Variants in CPAMD8 observed in about 807,000 individuals in gnomAD.
CPAMD8 encodes C3 and PZP like alpha-2-macroglobulin domain containing 8, also known as C3 and PZP-like alpha-2-macroglobulin domain-containing protein 8.
A neutral mutation model predicts 224.7 loss-of-function variants in CPAMD8; 146 were observed. The ratio of observed to expected loss-of-function variants is 0.65; its 90% CI spans 0.57 to 0.75. The LOEUF is 0.75. Among genes scored for constraint, CPAMD8 ranks in the 30% least tolerant of loss-of-function variants. The pLI is 0.00. For missense variants in CPAMD8, 2,301 were observed against 2,537.5 expected (o/e 0.91, Z 2.00); for synonymous variants, 966 against 1,044.6 (o/e 0.92, Z 1.45).
chr19:16,986,744 G>T (rs2055734585), intron 13 of CPAMD8, among the ~76,000 whole-genome samples: 1 of 152,100 alleles, frequency 6.6e-6, no homozygotes, highest in African/African-American at 2.4e-5. Flanking sequence ...TTCTGCCAAG[G>T]CTGGGGCTAT....
intron 13 of CPAMD8, among the ~76,000 whole-genome samples, chr19:16,983,087 C>T (rs1369664231): frequency 1.3e-5 from 2 of 152,154 alleles, no homozygotes; most frequent in African/African-American, 2.4e-5. Context: ...TCCCCAGCCA[C>T]GTGGAACTGT....
At chr19:16,913,985 G>A (rs895514877) in intron 29 of CPAMD8, among the ~76,000 whole-genome samples, 5 of 152,048 alleles carry the variant, frequency 3.3e-5, no homozygotes, top group African/African-American at 1.2e-4. Flanking sequence ...GGCCATCTAA[G>A]CCCCATCCAG....
chr19:17,008,414 C>T, intron 7 of CPAMD8, 91 bp downstream of exon 7: 1 of 1,472,792 alleles, frequency 6.8e-7, no homozygotes, highest in East Asian at 2.4e-5. Flanking sequence ...AGTGGGGGTA[C>T]ATTAGCGGTG....
Position 16,975,205 on chromosome 19 carries a change from C to T in CPAMD8, c.1962G>A (p.Arg654=). 6.2e-7 allele frequency: 1 copy of T among 1,610,710 alleles called. No individual in the cohort carries two copies. Among genetic ancestry groups the T allele is most frequent in the South Asian group, 1.1e-5 (1 of 90,352 alleles). Reference sequence around the variant, plus strand: ...CAGCCCACCAAAAAGGACCATCCTCCCTGGACACGCCAAAGGAATCAGAAA... The same window carrying T: ...CAGCCCACCAAAAAGGACCATCCTCTCTGGACACGCCAAAGGAATCAGAAA... ...YDVSDSFGVS[R]EDGPFWWAGL... The change falls in exon 17 of 42, where the codon AGG becomes AGA. Residue 654 remains arginine (R), a synonymous_variant. Coordinates refer to ENST00000443236, the MANE Select transcript of CPAMD8 (RefSeq NM_015692.5).
intron 23 of CPAMD8, among the ~76,000 whole-genome samples, chr19:16,935,870 C>T (rs1221870092): frequency 6.6e-6 from 1 of 152,036 alleles, no homozygotes; most frequent in Non-Finnish European, 1.5e-5. Flanking sequence ...TTTACATTTC[C>T]ACCAGCAAAG....
chr19:16,965,125 T>C (rs2054786011), intron 18 of CPAMD8, among the ~76,000 whole-genome samples: 1 of 151,818 alleles, frequency 6.6e-6, no homozygotes, highest in African/African-American at 2.4e-5. Context: ...CCGGGCATAG[T>C]GGCGGGCGCC....
intron 11 of CPAMD8, among the ~76,000 whole-genome samples, chr19:16,994,684 A>G (rs1263987768): frequency 2.1e-5 from 1 of 48,280 alleles, no homozygotes; most frequent in Non-Finnish European, 4.5e-5. Flanking sequence ...TGCCTGGCTA[A>G]TTTTAAAAAA....
chr19:16,997,062 T>A, intron 11 of CPAMD8, 49 bp downstream of exon 11: 1 of 1,199,060 alleles, frequency 8.3e-7, no homozygotes, highest in Non-Finnish European at 1.2e-6. Context: ...GTGGTGGTGG[T>A]TTCACGGTGG....
intron 25 of CPAMD8, among the ~76,000 whole-genome samples, chr19:16,925,696 C>T (rs929434731): frequency 1.3e-5 from 2 of 152,164 alleles, no homozygotes; most frequent in Admixed American, 6.5e-5. Context: ...ACTTTGGTTG[C>T]ATCCTACAAA....
At chr19:16,988,780 C>A (rs1403852484) in intron 13 of CPAMD8, among the ~76,000 whole-genome samples, 3 of 152,110 alleles carry the variant, frequency 2.0e-5, no homozygotes, top group Non-Finnish European at 4.4e-5. Flanking sequence ...AGTACTGATT[C>A]ATGGCCTGTT....
intron 21 of CPAMD8, among the ~76,000 whole-genome samples, 155 bp downstream of exon 21, chr19:16,946,919 C>T (rs901194420): frequency 2.6e-5 from 4 of 152,172 alleles, no homozygotes; most frequent in African/African-American, 7.2e-5. Context: ...CCCATTCCTT[C>T]TGTCCTGCTT....
Position 16,896,180 on chromosome 19 carries a change from C to T in CPAMD8, c.5422G>A (p.Asp1808Asn). The change falls in exon 41 of 42, where the codon GAC becomes AAC. Residue 1808 changes from aspartate (D) to asparagine (N), a missense_variant. Asp to Asn is a conservative substitution (Grantham distance 23). Transcript: ENST00000443236. ...TGGGGTGGGCCCAGCTGTTACCTGT[C>T]CTCCGCCTCCCCTTCAGGCTCAGGG... ...SDPEPEGEAE[D>N]RVTAGPRPPV... is the part of the protein sequence containing the mutation. 2.5e-6 allele frequency: 4 copies of T among 1,613,750 alleles called. No individual in the cohort carries two copies. Among genetic ancestry groups the T allele is most frequent in the Non-Finnish European group, 3.4e-6 (4 of 1,179,962 alleles).
At chr19:17,002,459 G>A (rs1000909048) in intron 8 of CPAMD8, 109 bp from the exon 9 acceptor site, 51 of 705,996 alleles carry the variant, frequency 7.2e-5, no homozygotes, top group East Asian at 4.3e-4. Context: ...GGCCACCACC[G>A]AGGTTGACAC....
At chr19:16,909,083 A>G (rs1250263505) in intron 29 of CPAMD8, among the ~76,000 whole-genome samples, 2 of 152,174 alleles carry the variant, frequency 1.3e-5, no homozygotes, top group African/African-American at 4.8e-5. Flanking sequence ...ATCTGATTCC[A>G]GCACAGGTGT....
intron 13 of CPAMD8, among the ~76,000 whole-genome samples, chr19:16,986,091 T>C (rs1009026279): frequency 1.3e-5 from 2 of 151,978 alleles, no homozygotes; most frequent in Admixed American, 1.3e-4. Context: ...CTTAAAAGAT[T>C]GGAGTGAGCG....
At chr19:16,950,688 G>A (rs1462900939) in intron 20 of CPAMD8, among the ~76,000 whole-genome samples, 1 of 151,220 alleles carries the variant, frequency 6.6e-6, no homozygotes, top group Non-Finnish European at 1.5e-5. Flanking sequence ...ATCTACTTGA[G>A]AGGCTGAGGA....
intron 13 of CPAMD8, among the ~76,000 whole-genome samples, chr19:16,987,819 G>GT (rs2055800489): frequency 1.3e-5 from 2 of 151,640 alleles, no homozygotes; most frequent in South Asian, 2.1e-4. Flanking sequence ...TCCGGCTGGG[G>GT]TTTTTTTGTT....
At chr19:16,979,069 T>A (rs1354489679) in intron 14 of CPAMD8, among the ~76,000 whole-genome samples, 1 of 149,294 alleles carries the variant, frequency 6.7e-6, no homozygotes, top group Admixed American at 6.7e-5. Context: ...CCATCTATTC[T>A]TCCATCCATC....
In CPAMD8 at chr19:16,945,793, ATG is replaced by A. The variant is rs900913138; in HGVS notation, c.2663-116_2663-115del. ...CATGCATGCATGTGTGTGTGTGTGC[ATG>A]TGTGTGTGTATATGCAGATGTGTGC... On this transcript the variant is annotated intron_variant, in intron 21 of 41. Coordinates refer to ENST00000443236, the MANE Select transcript of CPAMD8 (RefSeq NM_015692.5). The A allele has an allele frequency of 5.6e-4, 521 of 930,950 alleles. No homozygotes were observed. In the African/African-American group the frequency reaches 7.2e-3, roughly 13 times the overall value. The allele number at this position is 930,950 out of a possible 1,614,324, so 57.7% of individuals were successfully genotyped here.
Sources: gnomAD v4.1 joint callset for allele counts (sites outside exome capture counted in the v4.1 genomes callset) on GRCh38, gnomAD v4.1.1 for gene constraint, MANE v1.5 for transcripts, NCBI Gene and HGNC (gene_info 2026-07-23, HGNC 2026-07-21) for gene names.